Variants in CD55 observed in about 807,000 individuals in gnomAD.
The protein encoded by CD55 is CD55 molecule (Cromer blood group), also known as complement decay-accelerating factor.
In CD55, 41 loss-of-function variants were observed where a neutral mutation model predicts 45.8. The observed-to-expected ratio is 0.90, with a 90% CI of 0.70 to 1.16. CD55 has a LOEUF of 1.16. Ranked by LOEUF, CD55 falls within the 50% of genes most tolerant of loss-of-function variation. The pLI, the probability that CD55 is intolerant of heterozygous loss-of-function variation, is 0.00. For missense variants in CD55, 416 were observed against 469.8 expected (o/e 0.89, Z 1.06); for synonymous variants, 181 against 181.1 (o/e 1.00, Z 0.01).
At chr1:207,352,864 C>T (rs1249719550) in intron 9 of CD55, among the ~76,000 whole-genome samples, 1 of 151,896 alleles carries the variant, frequency 6.6e-6, no homozygotes, top group East Asian at 1.9e-4. Flanking sequence ...GTGGCAAGTA[C>T]TGTACTGATT....
intron 9 of CD55, among the ~76,000 whole-genome samples, chr1:207,358,006 C>G (rs1375961436): frequency 1.3e-5 from 2 of 152,156 alleles, no homozygotes; most frequent in Admixed American, 1.3e-4. Flanking sequence ...CACCTATTTT[C>G]AGATTGCAGT....
intron 2 of CD55, among the ~76,000 whole-genome samples, chr1:207,323,840 G>A (rs187457845): frequency 2.6e-5 from 4 of 152,168 alleles, no homozygotes; most frequent in Admixed American, 2.6e-4. Flanking sequence ...AGGTAAGTTG[G>A]GGCTCTTACA....
At chr1:207,322,230 C>G (rs752727369) in intron 1 of CD55, 152 bp from the exon 2 acceptor site, 149 of 757,984 alleles carry the variant, frequency 2.0e-4, no homozygotes, top group Middle Eastern at 4.7e-4. Context: ...TCCCCACTCT[C>G]GACAGAGTCC....
At chr1:207,340,155 A>G (rs557453783) in intron 9 of CD55, among the ~76,000 whole-genome samples, 1 of 152,248 alleles carries the variant, frequency 6.6e-6, no homozygotes, top group Admixed American at 6.5e-5. Flanking sequence ...GGTATCTAAC[A>G]TTCTTCTCTC....
intron 6 of CD55, among the ~76,000 whole-genome samples, chr1:207,334,469 G>T (rs1308205983): frequency 1.3e-5 from 2 of 152,116 alleles, no homozygotes; most frequent in African/African-American, 4.8e-5. Context: ...AAGGATAAAT[G>T]AATACTGAGT....
rs775681350 is a variant in CD55 at position 207,324,690 on chromosome 1, T to G, written c.418T>G (p.Ser140Ala). The change falls in exon 3 of 10, where the codon TCA becomes GCA. Residue 140 changes from serine to alanine, a missense_variant. Ser to Ala is a moderately conservative substitution (Grantham distance 99). This residue lies in a region of CD55 where 111 missense variants were observed against 163.4 expected (regional missense o/e 0.68). Coordinates refer to ENST00000367064, the MANE Select transcript of CD55 (RefSeq NM_000574.5). ...RPGYRREPSL[S>A]PKLTCLQNLK... ...AGGTTACAGAAGAGAACCTTCTCTA[T>G]CACCAAAACTAACTTGCCTTCAGAA... The G allele has an allele frequency of 1.8e-5, 29 of 1,613,528 alleles. No individual in the cohort carries two copies. The highest frequency in any genetic ancestry group is 2.5e-5 in the Non-Finnish European group (29 of 1,179,706).
At chr1:207,342,933 A>G (rs1281799835) in intron 9 of CD55, among the ~76,000 whole-genome samples, 1 of 152,118 alleles carries the variant, frequency 6.6e-6, no homozygotes, top group Non-Finnish European at 1.5e-5. Context: ...GATAGGGAGC[A>G]TGTCTCCAAG....
At chr1:207,357,398 AAAAT>A (rs1176321896) in intron 9 of CD55, among the ~76,000 whole-genome samples, 3 of 152,302 alleles carry the variant, frequency 2.0e-5, no homozygotes, top group South Asian at 4.1e-4. Flanking sequence ...ACTCTGAAAA[AAAAT>A]AAAACCACCA....
chr1:207,334,967 G>C (rs980908652), intron 6 of CD55, among the ~76,000 whole-genome samples: 1 of 152,034 alleles, frequency 6.6e-6, no homozygotes, highest in Middle Eastern at 3.2e-3. Context: ...GAAAGTAAAG[G>C]ATGGAAAAAT....
At chr1:207,359,508 G>C in intron 9 of CD55, 38 bp from the exon 10 acceptor site, 1 of 1,104,782 alleles carries the variant, frequency 9.1e-7, no homozygotes, top group Non-Finnish European at 1.2e-6. Flanking sequence ...AAATCATTTT[G>C]ATTTTAACTT....
At chr1:207,334,483 C>T (rs1655083266) in intron 6 of CD55, among the ~76,000 whole-genome samples, 1 of 152,072 alleles carries the variant, frequency 6.6e-6, no homozygotes, top group Non-Finnish European at 1.5e-5. Flanking sequence ...ACTGAGTTTA[C>T]AAACAGTGAA....
intron 9 of CD55, among the ~76,000 whole-genome samples, chr1:207,358,335 A>G (rs1656155666): frequency 6.6e-6 from 1 of 152,204 alleles, no homozygotes; most frequent in African/African-American, 2.4e-5. Context: ...ATGTGGTTTC[A>G]TTTAATGATT....
intron 9 of CD55, chr1:207,347,602 G>T (rs552648914): frequency 7.0e-5 from 15 of 215,086 alleles, no homozygotes; most frequent in East Asian, 6.0e-4. Flanking sequence ...TTTTAGGTTT[G>T]GGAGGTACAG....
At chr1:207,344,085 G>T (rs545393322) in intron 9 of CD55, among the ~76,000 whole-genome samples, 1 of 152,166 alleles carries the variant, frequency 6.6e-6, no homozygotes, top group Non-Finnish European at 1.5e-5. Context: ...TGAAAGAAAC[G>T]TATAGTTGGG....
intron 9 of CD55, chr1:207,353,942 A>C: frequency 6.8e-7 from 1 of 1,471,558 alleles, no homozygotes; most frequent in Non-Finnish European, 9.2e-7. Context: ...TGATATAAGC[A>C]AGAACAAAAC....
In CD55 at chr1:207,337,371, A is replaced by G; in HGVS notation, c.1022A>G (p.His341Arg). The G allele has an allele frequency of 6.2e-7, 1 of 1,611,738 alleles. No individual in the cohort carries two copies. The highest frequency in any genetic ancestry group is 8.5e-7 in the Non-Finnish European group (1 of 1,177,838). Residue 341 changes from histidine to arginine, a missense_variant, in exon 8 of 10, where the codon CAT becomes CGT. His to Arg is a conservative substitution (Grantham distance 29). Transcript: ENST00000367064. ...TPVSRTTKHF[H>R]ETTPNKGSGT... ...GTTTCCAGGACAACCAAGCATTTTC[A>G]TGAAACAACCCCAAATAAAGGAAGT...
chr1:207,332,035 A>G, intron 6 of CD55, among the ~76,000 whole-genome samples: 1 of 152,046 alleles, frequency 6.6e-6, no homozygotes, highest in South Asian at 2.1e-4. Flanking sequence ...CCTTATTAAA[A>G]TAGATTTTTA....
chr1:207,346,215 A>G (rs1655631814), intron 9 of CD55, among the ~76,000 whole-genome samples: 1 of 152,172 alleles, frequency 6.6e-6, no homozygotes, highest in South Asian at 2.1e-4. Context: ...ATCAGTTTCC[A>G]GGTCTGCAGG....
rs896490746 is a variant in CD55, at chr1:207,322,363, T to C, written c.101-19T>C. On this transcript the variant is annotated intron_variant, in intron 1 of 9. Coordinates refer to ENST00000367064, the MANE Select transcript of CD55 (RefSeq NM_000574.5). ...ACACTTGATAGTCATTTCCTTCAGT[T>C]CTGCTTTTGTCTCCCTAGGTGACTG... 6.2e-7 allele frequency: 1 copy of C among 1,610,518 alleles called. No individual in the cohort carries two copies. The highest frequency in any genetic ancestry group is 8.5e-7 in the Non-Finnish European group (1 of 1,176,682).
Sources: allele counts gnomAD v4.1 joint callset (sites outside exome capture counted in the v4.1 genomes callset), GRCh38; gene constraint gnomAD v4.1.1; regional missense constraint gnomAD v4.1.1; transcripts MANE v1.5; gene names NCBI Gene and HGNC (gene_info 2026-07-23, HGNC 2026-07-21).